PCDHGA1: variants seen among roughly 807,000 people sequenced by gnomAD.
PCDHGA1 encodes the protein protocadherin gamma subfamily A, 1.
PCDHGA1 carries 32 observed loss-of-function variants against 58.0 expected under a neutral mutation model. That is an observed-to-expected ratio of 0.55 (90% CI 0.42 to 0.74). The LOEUF (loss-of-function observed/expected upper bound fraction) is 0.74, where lower values mean the gene tolerates loss of function less well. Ranked by LOEUF, PCDHGA1 falls within the 30% of genes least tolerant of loss-of-function variation. The pLI, the probability that PCDHGA1 is intolerant of heterozygous loss-of-function variation, is 0.00. For synonymous variants in PCDHGA1, 498 were observed against 501.1 expected, an observed-to-expected ratio of 0.99 and a Z score of 0.08; for missense variants, 1,205 against 1,182.3, an observed-to-expected ratio of 1.02 and a Z score of -0.28.
At chr5:141,478,765 C>T in intron 1 of PCDHGA1, 1 of 1,508,614 alleles carries the variant, frequency 6.6e-7, no homozygotes, top group Non-Finnish European at 8.9e-7. Context: ...AGATACTTGA[C>T]TCATCTGTGG....
rs573785314 is a variant in PCDHGA1 at position 141,435,382 on chromosome 5, C to T, written c.2422-59425C>T. 2.0e-5 allele frequency among the ~76,000 whole-genome samples: 3 copies of T among 152,034 alleles called. No homozygotes were observed. In the East Asian group the frequency reaches 5.8e-4, roughly 29 times the overall value. ...TTTATCACTTAAATATACAATATAC[C>T]GTATTGCCATGACGAAAAATGGTAA... On this transcript the variant is annotated intron_variant, in intron 1 of 3. Transcript: ENST00000517417.
intron 1 of PCDHGA1, among the ~76,000 whole-genome samples, chr5:141,450,006 C>CTATTTTTTTTTT (rs70988802): frequency 7.5e-6 from 1 of 132,986 alleles, no homozygotes. Context: ...TGCCATGTCT[C>CTATTTTTTTTTT]TTTTTTTTTT....
At chr5:141,374,121 A>G in intron 1 of PCDHGA1, 53 of 1,590,920 alleles carry the variant, frequency 3.3e-5, no homozygotes, top group Non-Finnish European at 4.5e-5. Context: ...CGCAGCGAGC[A>G]GGTCCTGCTC....
chr5:141,381,834 T>TTCTTTCTTTCTTTCTTTCTTCTTC, intron 1 of PCDHGA1, among the ~76,000 whole-genome samples: 1 of 140,162 alleles, frequency 7.1e-6, no homozygotes, highest in African/African-American at 2.8e-5. Flanking sequence ...TTCTTTTTTT[T>TTCTTTCTTTCTTTCTTTCTTCTTC]TTTTTTTTTT....
chr5:141,413,033 T>G, intron 1 of PCDHGA1: 1 of 776,760 alleles, frequency 1.3e-6, no homozygotes, highest in Non-Finnish European at 2.0e-6. Context: ...ACAAACCGGC[T>G]GCTGGGCTGC....
rs368512862 is a variant in PCDHGA1 at position 141,491,734 on chromosome 5, G to T, written c.2422-3073G>T. ...CTCGGCGCCGCCCCGGGCGACCCCT[G>T]GGGGCGGCACTGGAGAAGCCGCCCG... On this transcript the variant is annotated intron_variant, in intron 1 of 3. Transcript: ENST00000517417. The surrounding 1 kb of genome is among the most constrained non-coding windows in gnomAD (Gnocchi z 6.9). 2.5e-4 allele frequency: 403 copies of T among 1,602,056 alleles called. No individual in the cohort carries two copies. Among genetic ancestry groups the T allele is most frequent in the Non-Finnish European group, 3.2e-4 (380 of 1,174,948 alleles).
Position 141,486,388 on chromosome 5 carries a change from C to T in PCDHGA1, c.2422-8419C>T, listed in dbSNP as rs2099628930. ...TCAAGTCTGCCTTCAGGAACCAGTT[C>T]TCCCTGGTGACTGCTGGACCCTTGG... On this transcript the variant is annotated intron_variant, in intron 1 of 3. Coordinates refer to ENST00000517417, the MANE Select transcript of PCDHGA1 (RefSeq NM_018912.3). This position sits in a 1 kb window ranked among gnomAD's most constrained non-coding sequence, Gnocchi z 5.0. 2 of 1,613,988 alleles carry T rather than the reference C, an allele frequency of 1.2e-6. No individual in the cohort carries two copies. The highest frequency in any genetic ancestry group is 2.7e-5 in the African/African-American group (2 of 74,924).
At chr5:141,344,777 T>C in intron 1 of PCDHGA1, 1 of 1,613,952 alleles carries the variant, frequency 6.2e-7, no homozygotes. Flanking sequence ...CTGAGTACCG[T>C]GTGAGTGTTT....
At chr5:141,386,384 A>G (rs1033532471) in intron 1 of PCDHGA1, among the ~76,000 whole-genome samples, 6 of 152,220 alleles carry the variant, frequency 3.9e-5, no homozygotes, top group Non-Finnish European at 8.8e-5. Flanking sequence ...TATTAATTAA[A>G]AACACACTTT....
intron 1 of PCDHGA1, chr5:141,409,124 G>T: frequency 6.2e-7 from 1 of 1,613,940 alleles, no homozygotes. Context: ...CCAGTCATTT[G>T]ATTTTGAAGA....
At position 141,430,919 on chromosome 5, in the gene PCDHGA1, C is replaced by A. The variant is rs377613499; in HGVS notation, c.2422-63888C>A. The A allele has an allele frequency of 6.2e-7, 1 of 1,607,492 alleles. No homozygotes were observed. Among genetic ancestry groups the A allele is most frequent in the Admixed American group, 1.7e-5 (1 of 58,806 alleles). The stretch of plus-strand genomic sequence containing the variant: ...GGGCGACATCTCCAGGGACCTGGGG[C>A]TGGAGCCCCGGGAGCTCGCGGAGCG... On this transcript the variant is annotated intron_variant, in intron 1 of 3. Transcript: ENST00000517417.
At chr5:141,376,683 T>TTTTTTTG (rs1483837724) in intron 1 of PCDHGA1, 1 of 803,912 alleles carries the variant, frequency 1.2e-6, no homozygotes, top group African/African-American at 1.9e-5. Context: ...ATCGTTTTTT[T>TTTTTTTG]TTTTTTTTTT....
At chr5:141,355,307 T>C (rs548636381) in intron 1 of PCDHGA1, 6 of 1,613,842 alleles carry the variant, frequency 3.7e-6, no homozygotes, top group South Asian at 3.3e-5. Context: ...TACTCGGTGT[T>C]TGAGGAGCAG....
intron 1 of PCDHGA1, chr5:141,350,090 A>G (rs939452294): frequency 1.8e-5 from 8 of 453,740 alleles, no homozygotes; most frequent in Non-Finnish European, 3.0e-5. Flanking sequence ...CAGGAGCGTC[A>G]GGCAGGGTGC....
At chr5:141,395,347 C>T in intron 1 of PCDHGA1, 1 of 1,392,780 alleles carries the variant, frequency 7.2e-7, no homozygotes, top group Non-Finnish European at 9.5e-7. Flanking sequence ...TAAGGTGTAT[C>T]ACAGAGTTTT....
At chr5:141,337,014 A>T (rs1206661839) in intron 1 of PCDHGA1, among the ~76,000 whole-genome samples, 1 of 152,230 alleles carries the variant, frequency 6.6e-6, no homozygotes, top group Non-Finnish European at 1.5e-5. Context: ...AATGGCCAAA[A>T]CCATATGAAA....
At position 141,340,482 on chromosome 5, in the gene PCDHGA1, A is replaced by T. The variant is rs776711322; in HGVS notation, c.2421+7377A>T. 4.3e-5 allele frequency: 69 copies of T among 1,614,032 alleles called. No individual in the cohort carries two copies. Among genetic ancestry groups the T allele is most frequent in the Non-Finnish European group, 5.3e-5 (63 of 1,180,034 alleles). The stretch of plus-strand genomic sequence containing the variant: ...GTTCAGGGGGCACCCTTATCCTCTT[A>T]CATCTCTATCAACTCCGACACTGGA... On this transcript the variant is annotated intron_variant, in intron 1 of 3. Coordinates refer to ENST00000517417, the MANE Select transcript of PCDHGA1 (RefSeq NM_018912.3).
At chr5:141,403,612 G>A (rs1314297922) in intron 1 of PCDHGA1, 1 of 1,613,854 alleles carries the variant, frequency 6.2e-7, no homozygotes, top group Non-Finnish European at 8.5e-7. Flanking sequence ...GCGGCGAGCC[G>A]CGTCGCTCCA....
chr5:141,484,750 G>GTATA (rs545232987), intron 1 of PCDHGA1, among the ~76,000 whole-genome samples: 1 of 149,818 alleles, frequency 6.7e-6, no homozygotes, highest in Non-Finnish European at 1.5e-5. Context: ...GAAAAAAAAT[G>GTATA]TATATATATA....
Sources: gnomAD v4.1 joint callset for allele counts (sites outside exome capture counted in the v4.1 genomes callset) on GRCh38, gnomAD v4.1.1 for gene constraint, Gnocchi (gnomAD v3.1) non-coding constraint, MANE v1.5 for transcripts, NCBI Gene and HGNC (gene_info 2026-07-23, HGNC 2026-07-21) for gene names.